Variants in ALCAM observed in about 807,000 individuals in gnomAD.
ALCAM encodes the protein activated leukocyte cell adhesion molecule, also known as CD166 antigen.
In ALCAM, 30 loss-of-function variants were observed where a neutral mutation model predicts 70.9. The observed-to-expected ratio is 0.42, with a 90% CI of 0.32 to 0.57. The LOEUF (loss-of-function observed/expected upper bound fraction) is 0.57. Among genes scored for constraint, ALCAM ranks in the 20% least tolerant of loss-of-function variants. ALCAM has a pLI of 0.11. For synonymous variants in ALCAM, 249 were observed against 242.5 expected (o/e 1.03, Z -0.25); for missense variants, 591 against 695.1 (o/e 0.85, Z 1.68).
intron 1 of ALCAM, among the ~76,000 whole-genome samples, chr3:105,385,150 TA>T (rs1274834283): frequency 3.3e-5 from 5 of 151,564 alleles, no homozygotes; most frequent in Non-Finnish European, 7.4e-5. Flanking sequence ...CACAAACATA[TA>T]AAAATATATG....
At chr3:105,474,640 A>T (rs1352270092) in intron 1 of ALCAM, among the ~76,000 whole-genome samples, 1 of 151,792 alleles carries the variant, frequency 6.6e-6, no homozygotes, top group Non-Finnish European at 1.5e-5. Flanking sequence ...AAGAAGCTTT[A>T]TTATCATTTT....
intron 1 of ALCAM, among the ~76,000 whole-genome samples, chr3:105,402,548 G>A (rs1237247150): frequency 6.6e-6 from 1 of 152,194 alleles, no homozygotes; most frequent in Non-Finnish European, 1.5e-5. Flanking sequence ...GTGGGGCATG[G>A]TGGGAGTGAG....
chr3:105,492,025 TA>T, intron 1 of ALCAM, among the ~76,000 whole-genome samples: 3 of 152,298 alleles, frequency 2.0e-5, no homozygotes, highest in African/African-American at 7.2e-5. Context: ...GGATAATTTA[TA>T]AAGGAAAGAG....
Position 105,528,131 on chromosome 3 carries a change from CTT to C in ALCAM, c.394+3624_394+3625del, listed in dbSNP as rs552167120. The stretch of plus-strand genomic sequence containing the variant: ...CATCTGCCTTCACTTGCTCTCCTCT[CTT>C]ATTAAATTGAGCTATCCTATGTGTG... On this transcript the variant is annotated intron_variant, in intron 3 of 15. Coordinates refer to ENST00000306107, the MANE Select transcript of ALCAM (RefSeq NM_001627.4). Among the ~76,000 whole-genome samples, 855 of 152,284 alleles carry C rather than the reference CTT, an allele frequency of 5.6e-3. 10 individuals carry two copies. The highest frequency in any genetic ancestry group is 0.02 in the African/African-American group (811 of 41,570).
At chr3:105,484,205 A>G (rs1414911885) in intron 1 of ALCAM, among the ~76,000 whole-genome samples, 1 of 151,492 alleles carries the variant, frequency 6.6e-6, no homozygotes, top group Non-Finnish European at 1.5e-5. Flanking sequence ...CTGAAATAGT[A>G]CAACTAGGAA....
At chr3:105,456,046 T>C (rs1250719978) in intron 1 of ALCAM, among the ~76,000 whole-genome samples, 1 of 152,180 alleles carries the variant, frequency 6.6e-6, no homozygotes, top group Non-Finnish European at 1.5e-5. Context: ...GCCAATGGAC[T>C]CTAGCCTGGG....
intron 15 of ALCAM, among the ~76,000 whole-genome samples, chr3:105,573,323 T>C (rs1940895803): frequency 6.6e-6 from 1 of 152,166 alleles, no homozygotes; most frequent in Non-Finnish European, 1.5e-5. Context: ...TGAGATTCTG[T>C]CTCAAAATAT....
At chr3:105,427,554 C>T (rs901830991) in intron 1 of ALCAM, among the ~76,000 whole-genome samples, 1 of 151,902 alleles carries the variant, frequency 6.6e-6, no homozygotes, top group Non-Finnish European at 1.5e-5. Flanking sequence ...GCTCTAGTCT[C>T]TTTCAGTATC....
At chr3:105,569,008 T>TA (rs537328231) in intron 14 of ALCAM, among the ~76,000 whole-genome samples, 1 of 152,138 alleles carries the variant, frequency 6.6e-6, no homozygotes, top group African/African-American at 2.4e-5. Flanking sequence ...CAAGGCAGAT[T>TA]AAAAAACTTA....
intron 1 of ALCAM, among the ~76,000 whole-genome samples, chr3:105,419,237 T>C (rs1395741900): frequency 6.6e-6 from 1 of 151,810 alleles, no homozygotes; most frequent in Non-Finnish European, 1.5e-5. Flanking sequence ...GCCAAAGGAA[T>C]TGAATTTAAA....
At chr3:105,482,118 T>C (rs1938288558) in intron 1 of ALCAM, among the ~76,000 whole-genome samples, 1 of 152,148 alleles carries the variant, frequency 6.6e-6, no homozygotes, top group Non-Finnish European at 1.5e-5. Flanking sequence ...TATTTTATTT[T>C]ATTTTATGTT....
At chr3:105,447,642 G>A (rs752381108) in intron 1 of ALCAM, among the ~76,000 whole-genome samples, 2 of 152,190 alleles carry the variant, frequency 1.3e-5, no homozygotes, top group Admixed American at 6.5e-5. Flanking sequence ...AAGCCAGGGA[G>A]ATCGAGCTGC....
intron 1 of ALCAM, among the ~76,000 whole-genome samples, chr3:105,368,853 G>T (rs996328853): frequency 2.0e-5 from 3 of 152,066 alleles, no homozygotes; most frequent in African/African-American, 7.2e-5. Flanking sequence ...TTCTGAGGCT[G>T]AGGGAAAAAA....
At chr3:105,456,753 A>G (rs1937539876) in intron 1 of ALCAM, among the ~76,000 whole-genome samples, 1 of 150,644 alleles carries the variant, frequency 6.6e-6, no homozygotes, top group African/African-American at 2.4e-5. Flanking sequence ...ATGCTGGAGT[A>G]TTTTGTAAAA....
rs1940942058 is a variant in ALCAM, at chr3:105,575,424, T to C, written c.*973T>C. On this transcript the variant is annotated 3_prime_UTR_variant, in exon 16 of 16. Coordinates refer to ENST00000306107, the MANE Select transcript of ALCAM (RefSeq NM_001627.4). ...TTGGAGTTTTTAACAGTGGTCATTA[T>C]CAAAGCTGTGTTATTTTCCACAGAA... The C allele has an allele frequency of 6.6e-6, 1 of 152,604 alleles. No individual in the cohort carries two copies. Among genetic ancestry groups the C allele is most frequent in the African/African-American group, 2.4e-5 (1 of 41,460 alleles). The allele number at this position is 152,604 out of a possible 1,614,324, so 9.5% of individuals were successfully genotyped here.
chr3:105,441,675 C>T (rs1188679006), intron 1 of ALCAM, among the ~76,000 whole-genome samples: 1 of 152,138 alleles, frequency 6.6e-6, no homozygotes, highest in Non-Finnish European at 1.5e-5. Flanking sequence ...ATTCACCTTC[C>T]AATGTCTGTT....
chr3:105,546,059 T>A (rs186533475), intron 9 of ALCAM, among the ~76,000 whole-genome samples: 171 of 151,522 alleles, frequency 1.1e-3, no homozygotes, highest in Admixed American at 3.3e-3. Flanking sequence ...TAAGGAAGTG[T>A]GACTGATAAT....
At chr3:105,389,287 CAGT>C (rs1369456927) in intron 1 of ALCAM, among the ~76,000 whole-genome samples, 1 of 147,982 alleles carries the variant, frequency 6.8e-6, no homozygotes, top group Non-Finnish European at 1.5e-5. Context: ...ATACGCAAAA[CAGT>C]GTGTGGTATG....
At chr3:105,545,180 A>T (rs1407588370) in intron 8 of ALCAM, 43 bp from the exon 9 acceptor site, 14 of 1,253,050 alleles carry the variant, frequency 1.1e-5, no homozygotes, top group Non-Finnish European at 1.6e-5. Flanking sequence ...TGACTATCTT[A>T]CATTTCAGAG....
Sources: allele counts gnomAD v4.1 joint callset (sites outside exome capture counted in the v4.1 genomes callset), GRCh38; gene constraint gnomAD v4.1.1; transcripts MANE v1.5; gene names NCBI Gene and HGNC (gene_info 2026-07-23, HGNC 2026-07-21).